Variants in ANK3 observed in about 807,000 individuals in gnomAD.
The protein encoded by ANK3 is ankyrin-3.
In ANK3, 57 loss-of-function variants were observed where a neutral mutation model predicts 370.9. The observed-to-expected ratio is 0.15, with a 90% CI of 0.12 to 0.19. The LOEUF (loss-of-function observed/expected upper bound fraction) is 0.19, where lower values mean the gene tolerates loss of function less well. Ranked by LOEUF, ANK3 falls within the 10% of genes least tolerant of loss-of-function variation. The pLI is 1.00. For missense variants in ANK3, 4,439 were observed against 5,302.1 expected (o/e 0.84, Z 5.06); for synonymous variants, 1,929 against 1,946.3 (o/e 0.99, Z 0.23).
chr10:60,237,105 T>C (rs371994331), intron 7 of ANK3, among the ~76,000 whole-genome samples: 1 of 152,264 alleles, frequency 6.6e-6, no homozygotes, highest in East Asian at 1.9e-4. Flanking sequence ...AGTGAAACTA[T>C]AGGCTGTGCC....
chr10:60,489,756 T>C (rs1171133913), intron 2 of ANK3, among the ~76,000 whole-genome samples: 1 of 152,206 alleles, frequency 6.6e-6, no homozygotes, highest in Non-Finnish European at 1.5e-5. Context: ...CACAAAAGCA[T>C]GTGCATGCAA....
intron 2 of ANK3, among the ~76,000 whole-genome samples, chr10:60,416,383 C>T (rs975865269): frequency 4.6e-5 from 7 of 152,154 alleles, no homozygotes; most frequent in Non-Finnish European, 1.0e-4. Flanking sequence ...TGTGAACATG[C>T]TAAAAATCAT....
chr10:60,105,698 T>C (rs1340631686), intron 28 of ANK3, among the ~76,000 whole-genome samples: 1 of 152,210 alleles, frequency 6.6e-6, no homozygotes, highest in Non-Finnish European at 1.5e-5. Context: ...TCAAAATACT[T>C]ATACTTCTAT....
chr10:60,509,121 C>G (rs1243449073), intron 2 of ANK3, among the ~76,000 whole-genome samples: 2 of 152,082 alleles, frequency 1.3e-5, no homozygotes, highest in Non-Finnish European at 2.9e-5. Flanking sequence ...TGTTCACTAC[C>G]CTGCAGTTTT....
intron 1 of ANK3, among the ~76,000 whole-genome samples, chr10:60,714,771 T>C (rs941464524): frequency 6.6e-6 from 1 of 152,150 alleles, no homozygotes; most frequent in African/African-American, 2.4e-5. Context: ...GGCCAATTGC[T>C]TAAGCCCCTA....
At chr10:60,581,373 A>G (rs1237063828) in intron 2 of ANK3, among the ~76,000 whole-genome samples, 3 of 149,174 alleles carry the variant, frequency 2.0e-5, no homozygotes, top group African/African-American at 7.4e-5. Flanking sequence ...TCTGTTCAAC[A>G]TTTGTATGTC....
chr10:60,498,788 G>T (rs2075723784), intron 2 of ANK3, among the ~76,000 whole-genome samples: 1 of 152,124 alleles, frequency 6.6e-6, no homozygotes, highest in Admixed American at 6.5e-5. Context: ...CATGTAAACT[G>T]CCATTCAAAT....
chr10:60,098,405 A>G (rs910484610), intron 28 of ANK3, among the ~76,000 whole-genome samples: 2 of 152,202 alleles, frequency 1.3e-5, no homozygotes, highest in African/African-American at 4.8e-5. Flanking sequence ...AAGTTGGGAG[A>G]AATGAAGAAA....
chr10:60,227,879 T>C (rs185178670), intron 8 of ANK3, among the ~76,000 whole-genome samples: 42 of 152,336 alleles, frequency 2.8e-4, no homozygotes, highest in African/African-American at 8.2e-4. Flanking sequence ...TTGTTTCTAT[T>C]ATCTAACTTT....
At chr10:60,639,173 G>A (rs934161387) in intron 1 of ANK3, among the ~76,000 whole-genome samples, 2 of 151,660 alleles carry the variant, frequency 1.3e-5, no homozygotes, top group Non-Finnish European at 2.9e-5. Flanking sequence ...AAATAAGAAC[G>A]ACAGAAGATG....
intron 11 of ANK3, among the ~76,000 whole-genome samples, chr10:60,204,060 G>A (rs2096724590): frequency 1.3e-5 from 2 of 152,102 alleles, no homozygotes; most frequent in African/African-American, 4.8e-5. Flanking sequence ...AATCTCAGCA[G>A]AAATTTGAGA....
intron 16 of ANK3, among the ~76,000 whole-genome samples, chr10:60,191,176 G>A (rs1386215268): frequency 6.6e-6 from 1 of 152,010 alleles, no homozygotes; most frequent in Admixed American, 6.6e-5. Flanking sequence ...TTGAACTAGG[G>A]AAAAAATTCA....
At chr10:60,292,865 G>A (rs1322276832) in intron 1 of ANK3, among the ~76,000 whole-genome samples, 3 of 151,852 alleles carry the variant, frequency 2.0e-5, no homozygotes, top group Admixed American at 6.6e-5. Context: ...CCACAACCAC[G>A]CCCGACTAAT....
At chr10:60,063,682 A>G (rs988028282) in intron 39 of ANK3, among the ~76,000 whole-genome samples, 1 of 152,228 alleles carries the variant, frequency 6.6e-6, no homozygotes, top group Admixed American at 6.5e-5. Context: ...TTGCCAAAAT[A>G]TAGGACTACC....
At chr10:60,616,231 C>G (rs1389433612) in intron 1 of ANK3, among the ~76,000 whole-genome samples, 1 of 152,106 alleles carries the variant, frequency 6.6e-6, no homozygotes, top group East Asian at 1.9e-4. Context: ...TAACTTTATT[C>G]CTGGTGTCTC....
chr10:60,313,417 G>A (rs1379684195), intron 1 of ANK3, among the ~76,000 whole-genome samples: 2 of 152,188 alleles, frequency 1.3e-5, no homozygotes, highest in African/African-American at 2.4e-5. Context: ...TGTGCAGAGA[G>A]TAAGGAAAAA....
intron 2 of ANK3, among the ~76,000 whole-genome samples, chr10:60,409,347 T>C (rs777516116): frequency 2.6e-5 from 4 of 152,230 alleles, no homozygotes; most frequent in Non-Finnish European, 5.9e-5. Context: ...GTCTCCATTC[T>C]GAAATGAAGA....
chr10:60,077,696 G>A (rs988322821), intron 36 of ANK3, among the ~76,000 whole-genome samples: 3 of 152,048 alleles, frequency 2.0e-5, no homozygotes, highest in African/African-American at 7.3e-5. Flanking sequence ...AGCTATCATG[G>A]GGGACATCTA....
intron 25 of ANK3, among the ~76,000 whole-genome samples, chr10:60,133,785 G>A (rs1379777172): frequency 6.6e-6 from 1 of 152,106 alleles, no homozygotes; most frequent in African/African-American, 2.4e-5. Context: ...GCTGGGTGTG[G>A]TGGTGCGCCT....
Sources: gnomAD v4.1 joint callset for allele counts (sites outside exome capture counted in the v4.1 genomes callset) on GRCh38, gnomAD v4.1.1 for gene constraint, MANE v1.5 for transcripts, NCBI Gene and HGNC (gene_info 2026-07-23, HGNC 2026-07-21) for gene names.